SLC44A5: variants seen among roughly 807,000 people sequenced by gnomAD.
The protein encoded by SLC44A5 is choline transporter-like protein 5.
Under a neutral mutation model 101.8 loss-of-function variants are expected in SLC44A5, and 57 were observed. That is an observed-to-expected ratio of 0.56 (90% confidence interval 0.45 to 0.70). The LOEUF (loss-of-function observed/expected upper bound fraction) is 0.70. Ranked by LOEUF, SLC44A5 falls within the 30% of genes least tolerant of loss-of-function variation. The pLI is 0.00. For missense variants in SLC44A5, 737 were observed against 853.1 expected (o/e 0.86, Z 1.70); for synonymous variants, 281 against 290.9 (o/e 0.97, Z 0.35).
At chr1:75,468,567 A>G (rs1666942454) in intron 2 of SLC44A5, among the ~76,000 whole-genome samples, 1 of 152,224 alleles carries the variant, frequency 6.6e-6, no homozygotes, top group East Asian at 1.9e-4. Context: ...TAAGCCAGGC[A>G]CAGAAAGACA....
At chr1:75,277,526 T>C (rs1652024388) in intron 5 of SLC44A5, among the ~76,000 whole-genome samples, 6 of 152,168 alleles carry the variant, frequency 3.9e-5, no homozygotes, top group Admixed American at 2.6e-4. Flanking sequence ...TAATGCTTTC[T>C]GCAAAAGGAT....
intron 1 of SLC44A5, among the ~76,000 whole-genome samples, chr1:75,581,465 GGACCAACAATT>G (rs761985588): frequency 6.6e-6 from 1 of 152,208 alleles, no homozygotes; most frequent in Non-Finnish European, 1.5e-5. Flanking sequence ...GTCACTATTA[GGACCAACAATT>G]GTTGGTTAAA....
At chr1:75,298,286 AT>A (rs1654128283) in intron 5 of SLC44A5, among the ~76,000 whole-genome samples, 1 of 151,764 alleles carries the variant, frequency 6.6e-6, no homozygotes, top group African/African-American at 2.4e-5. Flanking sequence ...TAGTTCAGGG[AT>A]TAAAAAAAAG....
intron 4 of SLC44A5, among the ~76,000 whole-genome samples, chr1:75,328,421 T>C (rs1475938620): frequency 1.3e-5 from 2 of 152,188 alleles, no homozygotes; most frequent in African/African-American, 4.8e-5. Context: ...ATTTTAGTTG[T>C]AACCACAGGA....
In SLC44A5 at chr1:75,222,437, C is replaced by T. The variant is rs199948546; in HGVS notation, c.1009G>A (p.Val337Met). The change falls in exon 14 of 24, where the codon GTG (valine) becomes ATG (methionine). Residue 337 changes from valine to methionine, a missense_variant. Around this residue, in one of 3 missense-constraint regions of SLC44A5, gnomAD observed 665 missense variants for 764.4 expected, o/e 0.87. Transcript: ENST00000370859. ...TFMIILCIIE[V>M]IVILMLIFLR... is the part of the protein sequence containing the mutation. ...AAGATCAGCATGAGGATGACAATCA[C>T]TTCAATGATGCAGAGTATTATCACT... The T allele has an allele frequency of 3.1e-6, 5 of 1,612,160 alleles. No homozygotes were observed. The highest frequency in any genetic ancestry group is 4.2e-6 in the Non-Finnish European group (5 of 1,178,860).
At chr1:75,237,290 T>A (rs1010929690) in intron 10 of SLC44A5, among the ~76,000 whole-genome samples, 3 of 152,092 alleles carry the variant, frequency 2.0e-5, no homozygotes, top group African/African-American at 7.2e-5. Context: ...AACATGGTTT[T>A]CAAGAACGGT....
At chr1:75,321,715 G>C (rs758217057) in intron 4 of SLC44A5, among the ~76,000 whole-genome samples, 7 of 152,170 alleles carry the variant, frequency 4.6e-5, no homozygotes, top group Non-Finnish European at 8.8e-5. Context: ...TGATTTATAA[G>C]TTTATTTCCA....
At chr1:75,283,788 C>T (rs664171) in intron 5 of SLC44A5, among the ~76,000 whole-genome samples, 10 of 151,704 alleles carry the variant, frequency 6.6e-5, no homozygotes, top group Non-Finnish European at 1.2e-4. Flanking sequence ...TTTGCTTTGT[C>T]GAAGATCAGT....
intron 7 of SLC44A5, among the ~76,000 whole-genome samples, chr1:75,248,468 A>T (rs942959990): frequency 2.6e-5 from 4 of 152,158 alleles, no homozygotes; most frequent in African/African-American, 9.6e-5. Context: ...AGGCAGAATG[A>T]GTATATGACA....
At chr1:75,626,359 G>C in the SLC44A5 span, among the ~76,000 whole-genome samples, 1 of 152,070 alleles carries the variant, frequency 6.6e-6, no homozygotes, top group East Asian at 1.9e-4. Flanking sequence ...GTGAGGAAGG[G>C]AGGAGGCTGA....
intron 2 of SLC44A5, among the ~76,000 whole-genome samples, chr1:75,447,784 T>G (rs1665674124): frequency 2.6e-5 from 4 of 152,178 alleles, no homozygotes. Context: ...TGAATTAGAT[T>G]GATAGGCTAG....
At chr1:75,560,886 C>G (rs1672480771) in intron 1 of SLC44A5, among the ~76,000 whole-genome samples, 1 of 151,968 alleles carries the variant, frequency 6.6e-6, no homozygotes, top group Non-Finnish European at 1.5e-5. Flanking sequence ...TCAGTATATA[C>G]CAATAAATAC....
chr1:75,475,383 C>A (rs554411948), intron 2 of SLC44A5, among the ~76,000 whole-genome samples: 52 of 152,300 alleles, frequency 3.4e-4, no homozygotes, highest in African/African-American at 1.3e-3. Context: ...TTTTGCTACT[C>A]CTCTTGGGAA....
the SLC44A5 span, among the ~76,000 whole-genome samples, chr1:75,679,396 A>G: frequency 6.6e-6 from 1 of 152,150 alleles, no homozygotes; most frequent in Non-Finnish European, 1.5e-5. Flanking sequence ...GAAGCCCATC[A>G]GACTAACAGC....
At chr1:75,346,841 A>C (rs909524744) in intron 3 of SLC44A5, among the ~76,000 whole-genome samples, 1 of 152,294 alleles carries the variant, frequency 6.6e-6, no homozygotes, top group Non-Finnish European at 1.5e-5. Context: ...TTCAAAGGTT[A>C]TGCAATTCAT....
chr1:75,392,162 T>G (rs181947994), intron 3 of SLC44A5, among the ~76,000 whole-genome samples: 2 of 151,790 alleles, frequency 1.3e-5, no homozygotes, highest in African/African-American at 2.4e-5. Context: ...AAAAAAAAAT[T>G]GACAAGTGGG....
At chr1:75,697,975 T>A in the SLC44A5 span, among the ~76,000 whole-genome samples, 1 of 152,218 alleles carries the variant, frequency 6.6e-6, no homozygotes, top group African/African-American at 2.4e-5. Flanking sequence ...CAGGAGATTA[T>A]ATCCTGCACA....
intron 2 of SLC44A5, among the ~76,000 whole-genome samples, chr1:75,432,023 C>A (rs1664645076): frequency 6.6e-6 from 1 of 152,106 alleles, no homozygotes; most frequent in Admixed American, 6.6e-5. Context: ...GAATGTCAAG[C>A]CAGTTCATGT....
At chr1:75,564,571 A>G (rs1043756564) in intron 1 of SLC44A5, among the ~76,000 whole-genome samples, 1 of 94,922 alleles carries the variant, frequency 1.1e-5, no homozygotes, top group Non-Finnish European at 2.4e-5. Context: ...GGCTTCTGCA[A>G]CCCTGATTTA....
Sources: allele counts gnomAD v4.1 joint callset (sites outside exome capture counted in the v4.1 genomes callset), GRCh38; gene constraint gnomAD v4.1.1; regional missense constraint gnomAD v4.1.1; transcripts MANE v1.5; gene names NCBI Gene and HGNC (gene_info 2026-07-23, HGNC 2026-07-21).